The following EYA1 variants were observed in gnomAD, a reference collection of about 807,000 sequenced individuals.
EYA1 encodes the protein EYA transcriptional coactivator and phosphatase 1, also known as protein phosphatase EYA1.
In EYA1, 16 loss-of-function variants were observed where a neutral mutation model predicts 82.0. The ratio of observed to expected loss-of-function variants is 0.20; its 90% CI spans 0.13 to 0.30. The LOEUF is 0.30. Ranked by LOEUF, EYA1 falls within the 10% of genes least tolerant of loss-of-function variation. The probability of loss-of-function intolerance (pLI) is 1.00; values close to 1 mark genes in which losing one functional copy is unlikely to be tolerated. For synonymous variants in EYA1, 261 were observed against 264.4 expected, an observed-to-expected ratio of 0.99 and a Z score of 0.12; for missense variants, 633 against 730.7, an observed-to-expected ratio of 0.87 and a Z score of 1.54.
chr8:71,268,324 G>A (rs1816117302), intron 11 of EYA1, among the ~76,000 whole-genome samples: 1 of 152,122 alleles, frequency 6.6e-6, no homozygotes, highest in Admixed American at 6.5e-5. Flanking sequence ...ACAGGTGTAG[G>A]GATTTTATAA....
chr8:71,546,179 A>G (rs1278173964), intron 1 of EYA1, among the ~76,000 whole-genome samples: 1 of 151,772 alleles, frequency 6.6e-6, no homozygotes, highest in Non-Finnish European at 1.5e-5. Flanking sequence ...CATTCAAGCC[A>G]CTCCGCCAGG....
At chr8:71,480,044 T>G (rs922941703) in intron 2 of EYA1, among the ~76,000 whole-genome samples, 1 of 152,154 alleles carries the variant, frequency 6.6e-6, no homozygotes, top group Non-Finnish European at 1.5e-5. Context: ...CTTAAATTTT[T>G]TATTTCCTCA....
At chr8:71,340,350 C>A (rs1255432630) in intron 3 of EYA1, among the ~76,000 whole-genome samples, 1 of 152,248 alleles carries the variant, frequency 6.6e-6, no homozygotes, top group African/African-American at 2.4e-5. Flanking sequence ...AAAAAATACA[C>A]AATCTCATCT....
chr8:71,411,952 C>T (rs969181377), intron 2 of EYA1, among the ~76,000 whole-genome samples: 3 of 151,444 alleles, frequency 2.0e-5, no homozygotes, highest in African/African-American at 7.3e-5. Context: ...CAGCATTATT[C>T]ACAATAGCAA....
chr8:71,309,983 G>T (rs1010777328), intron 7 of EYA1, among the ~76,000 whole-genome samples: 2 of 152,158 alleles, frequency 1.3e-5, no homozygotes, highest in African/African-American at 2.4e-5. Context: ...AACAAAGCAG[G>T]GTTTCCAGGG....
intron 4 of EYA1, among the ~76,000 whole-genome samples, chr8:71,332,377 G>C (rs946721038): frequency 6.6e-6 from 1 of 152,050 alleles, no homozygotes; most frequent in Non-Finnish European, 1.5e-5. Context: ...CAAAACTGAG[G>C]TTCCTGTCTT....
intron 1 of EYA1, among the ~76,000 whole-genome samples, chr8:71,538,335 G>T (rs537376962): frequency 6.6e-6 from 1 of 152,280 alleles, no homozygotes; most frequent in South Asian, 2.1e-4. Context: ...TCTGGTTCTA[G>T]TCACATATGG....
At chr8:71,518,414 T>A (rs944487350) in intron 2 of EYA1, among the ~76,000 whole-genome samples, 4 of 152,158 alleles carry the variant, frequency 2.6e-5, no homozygotes, top group Admixed American at 2.6e-4. Flanking sequence ...AGAATCTCAG[T>A]GTGCTAAAAC....
rs115441793 is a variant in EYA1 at position 71,423,546 on chromosome 8, T to C, written c.34-67035A>G. On this transcript the variant is annotated intron_variant, in intron 2 of 18. Coordinates refer to the EYA1 transcript ENST00000643681. ...ATAATTTTCAATAAGAATATAGTTATTTCATTGTCTTTCTTGCTTAATAAC... is the reference window on the plus strand; with the variant it reads ...ATAATTTTCAATAAGAATATAGTTACTTCATTGTCTTTCTTGCTTAATAAC... Among the ~76,000 whole-genome samples, 640 of 152,332 alleles carry C rather than the reference T, an allele frequency of 4.2e-3. 5 individuals are homozygous for C. Among genetic ancestry groups the C allele is most frequent in the African/African-American group, 0.015 (614 of 41,582 alleles).
chr8:71,492,622 G>C (rs533018514), intron 2 of EYA1, among the ~76,000 whole-genome samples: 52 of 152,026 alleles, frequency 3.4e-4, no homozygotes, highest in African/African-American at 1.2e-3. Context: ...CCACCACCAC[G>C]CCTGGCTAAT....
At chr8:71,450,136 A>G (rs1423908557) in intron 2 of EYA1, among the ~76,000 whole-genome samples, 2 of 152,180 alleles carry the variant, frequency 1.3e-5, no homozygotes, top group Non-Finnish European at 2.9e-5. Context: ...CTTATCATTC[A>G]TGGGTTCACT....
At chr8:71,200,263 G>A (rs766892217) in intron 17 of EYA1, 1 of 152,198 alleles carries the variant, frequency 6.6e-6, no homozygotes, top group Non-Finnish European at 1.5e-5. Context: ...ATAATGTGGT[G>A]CCTGGAGTAT....
At chr8:71,329,189 A>T (rs976519908) in intron 4 of EYA1, among the ~76,000 whole-genome samples, 13 of 152,116 alleles carry the variant, frequency 8.5e-5, no homozygotes, top group Admixed American at 1.3e-4. Flanking sequence ...TTCTCATTTC[A>T]TGTGTTCTCC....
chr8:71,534,784 G>C (rs1021268760), intron 2 of EYA1, among the ~76,000 whole-genome samples: 4 of 152,044 alleles, frequency 2.6e-5, no homozygotes, highest in South Asian at 2.1e-4. Context: ...GAATTCAGAG[G>C]ATGGGTCAAT....
chr8:71,494,144 A>G (rs1811238796), intron 2 of EYA1, among the ~76,000 whole-genome samples: 1 of 152,040 alleles, frequency 6.6e-6, no homozygotes, highest in Admixed American at 6.5e-5. Context: ...ATAAAGTACA[A>G]TTATTATATT....
intron 7 of EYA1, among the ~76,000 whole-genome samples, chr8:71,303,884 A>T (rs986529086): frequency 7.0e-6 from 1 of 142,104 alleles, no homozygotes; most frequent in African/African-American, 2.5e-5. Flanking sequence ...AAGGAAACGG[A>T]GGGTCAGGTT....
upstream of EYA1, among the ~76,000 whole-genome samples, chr8:71,365,277 A>G (rs1371610532): frequency 6.6e-6 from 1 of 152,038 alleles, no homozygotes; most frequent in African/African-American, 2.4e-5. Context: ...GAAGTTGTCA[A>G]TAAATGATGC....
At chr8:71,465,289 C>T (rs1808692730) in intron 2 of EYA1, among the ~76,000 whole-genome samples, 1 of 152,056 alleles carries the variant, frequency 6.6e-6, no homozygotes, top group Admixed American at 6.5e-5. Context: ...ACAACGCAAA[C>T]AAGATTTGTA....
chr8:71,380,874 C>T (rs1249023224), intron 2 of EYA1, among the ~76,000 whole-genome samples: 4 of 152,220 alleles, frequency 2.6e-5, no homozygotes, highest in African/African-American at 4.8e-5. Context: ...CCAGCTGATG[C>T]CCCCTTTACC....
Sources: allele counts gnomAD v4.1 joint callset (sites outside exome capture counted in the v4.1 genomes callset), GRCh38; gene constraint gnomAD v4.1.1; transcripts MANE v1.5; gene names NCBI Gene and HGNC (gene_info 2026-07-23, HGNC 2026-07-21).